DPY19L1: variants seen among roughly 807,000 people sequenced by gnomAD.
The protein encoded by DPY19L1 is dpy-19 like C-mannosyltransferase 1, also known as protein C-mannosyl-transferase DPY19L1.
Under a neutral mutation model 96.9 loss-of-function variants are expected in DPY19L1, and 35 were observed. The observed-to-expected ratio is 0.36, with a 90% CI of 0.28 to 0.48. The LOEUF (loss-of-function observed/expected upper bound fraction) is 0.48, where lower values mean the gene tolerates loss of function less well. Ranked by LOEUF, DPY19L1 falls within the 20% of genes least tolerant of loss-of-function variation. DPY19L1 has a pLI of 0.99. For missense variants in DPY19L1, 521 were observed against 777.9 expected (o/e 0.67, Z 3.93); for synonymous variants, 205 against 252.6 (o/e 0.81, Z 1.79).
At chr7:35,032,621 C>T (rs1226384079) in intron 1 of DPY19L1, among the ~76,000 whole-genome samples, 3 of 152,096 alleles carry the variant, frequency 2.0e-5, no homozygotes, top group African/African-American at 7.2e-5. Flanking sequence ...TCTCATATCC[C>T]ACCACTGATT....
intron 10 of DPY19L1, among the ~76,000 whole-genome samples, chr7:34,960,349 G>A (rs1386991469): frequency 6.6e-6 from 1 of 151,976 alleles, no homozygotes; most frequent in African/African-American, 2.4e-5. Flanking sequence ...GCATTAGCAA[G>A]TATAGTTTTC....
chr7:34,994,793 G>T (rs993492872), intron 6 of DPY19L1, among the ~76,000 whole-genome samples: 1 of 149,110 alleles, frequency 6.7e-6, no homozygotes, highest in Non-Finnish European at 1.5e-5. Flanking sequence ...GACAGAGCAA[G>T]ATTCCGTCTC....
intron 11 of DPY19L1, among the ~76,000 whole-genome samples, chr7:34,956,470 G>A (rs886194673): frequency 1.3e-5 from 2 of 151,754 alleles, no homozygotes; most frequent in African/African-American, 2.4e-5. Context: ...AAAGGGTGGC[G>A]GCCCACACTG....
At chr7:34,971,017 G>A (rs374610316) in intron 8 of DPY19L1, among the ~76,000 whole-genome samples, 18 of 152,250 alleles carry the variant, frequency 1.2e-4, no homozygotes, top group African/African-American at 4.3e-4. Flanking sequence ...TTAAGGAATA[G>A]TCTCTTTTCT....
chr7:35,024,178 T>G (rs1386033603), intron 1 of DPY19L1, among the ~76,000 whole-genome samples: 1 of 152,196 alleles, frequency 6.6e-6, no homozygotes, highest in Admixed American at 6.5e-5. Context: ...CATTATCATG[T>G]TGAGTAAGTG....
In DPY19L1 at chr7:34,957,972, A is replaced by G. The variant is rs749887429; in HGVS notation, c.1179+12T>C. The G allele has an allele frequency of 1.3e-6, 2 of 1,530,988 alleles. No individual in the cohort carries two copies. The highest frequency in any genetic ancestry group is 2.3e-5 in the East Asian group (1 of 44,118). 94.8% of individuals were successfully genotyped at this position (1,530,988 alleles called of 1,614,324 possible). Reference sequence around the variant, plus strand: ...TTCAAAAACAGCCATATAAGTGTTAAGGAATACTTACCCAAATAATTACCA... The same window carrying G: ...TTCAAAAACAGCCATATAAGTGTTAGGGAATACTTACCCAAATAATTACCA... On this transcript the variant is annotated intron_variant, in intron 11 of 21. Coordinates refer to ENST00000638088, the MANE Select transcript of DPY19L1 (RefSeq NM_001366673.1).
rs188145283 is a variant in DPY19L1 at position 34,980,287 on chromosome 7, G to C, written c.823-6682C>G. Among the ~76,000 whole-genome samples, 8 of 152,138 alleles carry C rather than the reference G, an allele frequency of 5.3e-5. No homozygotes were observed. The East Asian group carries it at 1.4e-3, about 26-fold the overall frequency. The stretch of plus-strand genomic sequence containing the variant: ...ACAGATTACAAACCAAAATGTGAAA[G>C]CTACACCAAGGTTTTCCCTTATATT... On this transcript the variant is annotated intron_variant, in intron 7 of 21. Coordinates refer to ENST00000638088, the MANE Select transcript of DPY19L1 (RefSeq NM_001366673.1).
chr7:35,009,745 T>C (rs329222), intron 6 of DPY19L1, among the ~76,000 whole-genome samples: 41,588 of 151,966 alleles, frequency 0.27, 5,798 homozygotes, highest in Non-Finnish European at 0.31. Flanking sequence ...CTCCCTCATG[T>C]TACCTTAAGC....
chr7:34,949,608 G>A (rs558989791), intron 14 of DPY19L1, among the ~76,000 whole-genome samples, 189 bp downstream of exon 14: 2 of 152,266 alleles, frequency 1.3e-5, no homozygotes, highest in South Asian at 4.1e-4. Flanking sequence ...TTATCAAAAT[G>A]AGTAAAGGCC....
chr7:34,955,336 T>C lies in DPY19L1; in HGVS notation c.1211A>G (p.Lys404Arg), dbSNP rs1309946271. The change falls in exon 12 of 22, where the codon AAA becomes AGA. Residue 404 changes from lysine (K) to arginine (R), a missense_variant. Coordinates refer to ENST00000638088, the MANE Select transcript of DPY19L1 (RefSeq NM_001366673.1). ...GILAMKPHFL[K>R]INVSELSLWV... The stretch of plus-strand genomic sequence containing the variant: ...TAAACTAAGTTCAGATACATTTATT[T>C]TCAGGAAATGTGGTTTCATTGCCAG... 1 of 1,606,810 alleles carries C rather than the reference T, an allele frequency of 6.2e-7. No individual in the cohort carries two copies. Among genetic ancestry groups the C allele is most frequent in the African/African-American group, 1.3e-5 (1 of 74,528 alleles).
intron 10 of DPY19L1, among the ~76,000 whole-genome samples, chr7:34,964,152 AT>A (rs956606454): frequency 4.5e-4 from 68 of 152,158 alleles, no homozygotes; most frequent in African/African-American, 1.3e-3. Flanking sequence ...AATTCTATAT[AT>A]TTTTTTCTTT....
At chr7:34,970,138 C>T (rs1219434761) in intron 8 of DPY19L1, among the ~76,000 whole-genome samples, 1 of 152,254 alleles carries the variant, frequency 6.6e-6, no homozygotes, top group South Asian at 2.1e-4. Context: ...ATCCTCTAAA[C>T]CTGTGAGCCA....
At chr7:35,028,362 T>C (rs572298065) in intron 1 of DPY19L1, among the ~76,000 whole-genome samples, 10 of 152,230 alleles carry the variant, frequency 6.6e-5, no homozygotes, top group Admixed American at 2.0e-4. Context: ...GCATGGAAAG[T>C]ATATATCACC....
chr7:34,945,932 G>A (rs1339335153), intron 15 of DPY19L1, among the ~76,000 whole-genome samples: 6 of 152,180 alleles, frequency 3.9e-5, no homozygotes, highest in Admixed American at 2.0e-4. Context: ...TATCATCCTC[G>A]TTTTGTAAAT....
intron 6 of DPY19L1, among the ~76,000 whole-genome samples, chr7:35,005,684 G>A (rs540322904): frequency 1.1e-4 from 16 of 149,492 alleles, no homozygotes; most frequent in Middle Eastern, 3.4e-3. Flanking sequence ...GTGGTGGTGC[G>A]CGCCTGTAAT....
intron 1 of DPY19L1, among the ~76,000 whole-genome samples, chr7:35,026,368 G>T (rs1786120492): frequency 1.3e-5 from 2 of 152,148 alleles, no homozygotes; most frequent in Non-Finnish European, 2.9e-5. Context: ...TCTCAACACT[G>T]ACAGCACACT....
intron 7 of DPY19L1, 33 bp downstream of exon 7, chr7:34,989,851 A>G (rs1703844917): frequency 1.3e-6 from 2 of 1,542,312 alleles, no homozygotes; most frequent in South Asian, 2.5e-5. Flanking sequence ...GCATTTCCAG[A>G]AGTAATTCTG....
At chr7:35,008,822 T>C (rs1468633933) in intron 6 of DPY19L1, among the ~76,000 whole-genome samples, 1 of 152,210 alleles carries the variant, frequency 6.6e-6, no homozygotes, top group African/African-American at 2.4e-5. Context: ...AAGCTACCCA[T>C]AGACAGATGG....
intron 1 of DPY19L1, among the ~76,000 whole-genome samples, chr7:35,035,621 A>G (rs1394567638): frequency 6.6e-6 from 1 of 152,202 alleles, no homozygotes; most frequent in African/African-American, 2.4e-5. Context: ...CAACAACTAC[A>G]ATGTGTCAAG....
Sources: allele counts gnomAD v4.1 joint callset (sites outside exome capture counted in the v4.1 genomes callset), GRCh38; gene constraint gnomAD v4.1.1; transcripts MANE v1.5; gene names NCBI Gene and HGNC (gene_info 2026-07-23, HGNC 2026-07-21).